The following IFT74 variants were observed in gnomAD, a reference collection of about 807,000 sequenced individuals.
IFT74 encodes the protein intraflagellar transport protein 74 homolog.
Under a neutral mutation model 96.7 loss-of-function variants are expected in IFT74, and 92 were observed. The ratio of observed to expected loss-of-function variants is 0.95; its 90% CI spans 0.80 to 1.13. The LOEUF is 1.13. IFT74 is among the 50% of genes most tolerant of loss of function. IFT74 has a pLI of 0.00. For synonymous variants in IFT74, 223 were observed against 213.2 expected, an observed-to-expected ratio of 1.05 and a Z score of -0.40; for missense variants, 811 against 698.2, an observed-to-expected ratio of 1.16 and a Z score of -1.82.
In IFT74 at chr9:27,000,030, G is replaced by A. The variant is rs59622137; in HGVS notation, c.588-8990G>A. 2.9e-3 allele frequency among the ~76,000 whole-genome samples: 437 copies of A among 152,102 alleles called. 1 individual carries two copies. Among genetic ancestry groups the A allele is most frequent in the African/African-American group, 9.9e-3 (409 of 41,504 alleles). ...GAGCCATTTCCCCCCAGCCACTGGC[G>A]TGGCCTTGAAAAGTGCTGGGATTAT... is the stretch of plus-strand genomic sequence containing the variant. On this transcript the variant is annotated intron_variant, in intron 8 of 19. Coordinates refer to ENST00000380062, the MANE Select transcript of IFT74 (RefSeq NM_025103.4).
At chr9:27,012,318 G>A (rs978073934) in intron 10 of IFT74, among the ~76,000 whole-genome samples, 10 of 152,118 alleles carry the variant, frequency 6.6e-5, no homozygotes, top group Non-Finnish European at 1.2e-4. Context: ...AAGCTCCTGG[G>A]CTCAAGCGAT....
chr9:27,022,780 C>T (rs558248245), intron 12 of IFT74, among the ~76,000 whole-genome samples: 5 of 151,758 alleles, frequency 3.3e-5, no homozygotes, highest in Non-Finnish European at 5.9e-5. Context: ...GTAGCTGGGA[C>T]TAAAGGCACG....
At chr9:26,988,563 G>A (rs1475030340) in intron 6 of IFT74, 106 bp from the exon 7 acceptor site, 2 of 1,046,068 alleles carry the variant, frequency 1.9e-6, no homozygotes, top group Non-Finnish European at 2.7e-6. Flanking sequence ...TAATACTTAA[G>A]TTACTACTCA....
chr9:26,984,383 C>G (rs928183455), intron 5 of IFT74, 28 bp downstream of exon 5: 1 of 1,576,284 alleles, frequency 6.3e-7, no homozygotes, highest in Non-Finnish European at 8.6e-7. Context: ...AGTATTCATT[C>G]AGTATTTTGT....
intron 2 of IFT74, among the ~76,000 whole-genome samples, chr9:26,971,054 A>G (rs1826856176): frequency 2.6e-5 from 4 of 152,192 alleles, no homozygotes; most frequent in Admixed American, 1.3e-4. Context: ...GTCTGAATCA[A>G]TGTTTTCTAT....
intron 12 of IFT74, among the ~76,000 whole-genome samples, chr9:27,026,994 A>C (rs1441074979): frequency 6.6e-6 from 1 of 152,134 alleles, no homozygotes; most frequent in Non-Finnish European, 1.5e-5. Flanking sequence ...ACTAAATTAA[A>C]TTGAAACAAA....
intron 8 of IFT74, chr9:26,996,262 T>C (rs1828150020): frequency 9.4e-7 from 1 of 1,059,598 alleles, no homozygotes; most frequent in South Asian, 2.6e-5. Flanking sequence ...CCTCAGTTTA[T>C]TTAGTATGAT....
At chr9:26,963,136 G>A (rs965063032) in intron 2 of IFT74, among the ~76,000 whole-genome samples, 4 of 151,904 alleles carry the variant, frequency 2.6e-5, no homozygotes, top group African/African-American at 9.7e-5. Context: ...AGTCCCCAGA[G>A]TGTGATATTC....
At chr9:27,060,136 C>A (rs1444460586) in intron 18 of IFT74, among the ~76,000 whole-genome samples, 1 of 152,168 alleles carries the variant, frequency 6.6e-6, no homozygotes, top group Non-Finnish European at 1.5e-5. Flanking sequence ...CTTATCACAG[C>A]TTGTGGAATT....
intron 13 of IFT74, among the ~76,000 whole-genome samples, chr9:27,032,509 C>G (rs1231581788): frequency 6.6e-6 from 1 of 151,950 alleles, no homozygotes; most frequent in Non-Finnish European, 1.5e-5. Flanking sequence ...AATGACCATC[C>G]TCATGCTTTC....
chr9:27,006,042 C>T lies in IFT74; in HGVS notation c.588-2978C>T, dbSNP rs572897479. Reference sequence around the variant, plus strand: ...TATTTTTAGTAGAGATGCGGTTTCACCATGTTGGCCAGGCTGGTCTCAAAC... The same window carrying T: ...TATTTTTAGTAGAGATGCGGTTTCATCATGTTGGCCAGGCTGGTCTCAAAC... On this transcript the variant is annotated intron_variant, in intron 8 of 19. Transcript: ENST00000380062. Among the ~76,000 whole-genome samples, 5 of 152,062 alleles carry T rather than the reference C, an allele frequency of 3.3e-5. No individual in the cohort carries two copies. In the Middle Eastern group the frequency reaches 0.01, roughly 310 times the overall value.
intron 2 of IFT74, among the ~76,000 whole-genome samples, chr9:26,969,330 C>A (rs1249575900): frequency 6.6e-6 from 1 of 151,486 alleles, no homozygotes. Flanking sequence ...ATGTAATTAT[C>A]TTCTTGTCTT....
At chr9:26,995,231 A>G (rs948864030) in intron 8 of IFT74, 2 of 205,800 alleles carry the variant, frequency 9.7e-6, no homozygotes, top group African/African-American at 2.3e-5. Context: ...ATTTTAATTC[A>G]TGAATAATTT....
intron 8 of IFT74, among the ~76,000 whole-genome samples, chr9:27,008,174 A>T (rs954185547): frequency 6.6e-6 from 1 of 152,248 alleles, no homozygotes; most frequent in African/African-American, 2.4e-5. Flanking sequence ...AGAGAACTTA[A>T]GCAAAGCATA....
At chr9:26,965,231 C>T (rs1826554543) in intron 2 of IFT74, among the ~76,000 whole-genome samples, 1 of 151,944 alleles carries the variant, frequency 6.6e-6, no homozygotes, top group Admixed American at 6.6e-5. Context: ...AATGAATAGA[C>T]AAAAATGTCC....
At position 27,016,931 on chromosome 9, in the gene IFT74, C is replaced by T; in HGVS notation, c.814C>T (p.Gln272Ter). 8.7e-6 allele frequency: 14 copies of T among 1,606,042 alleles called. No individual in the cohort carries two copies. The highest frequency in any genetic ancestry group is 1.1e-5 in the Non-Finnish European group (13 of 1,176,434). Residue 272 changes from glutamine to a stop codon, truncating the protein, a stop_gained, in exon 11 of 20, where the codon CAG (glutamine) becomes TAG (stop). Transcript: ENST00000380062. LOFTEE classifies it high-confidence loss of function. ...GGAAATAGCTCACTCCCAGGTGAAA[C>T]AGGAGGCGGTATTGCTGCATGAAAA... The part of the protein sequence containing the change: ...EAEIAHSQVK[Q>*]EAVLLHEKLY...
chr9:27,041,356 C>T (rs371915517), intron 13 of IFT74, among the ~76,000 whole-genome samples: 2 of 152,118 alleles, frequency 1.3e-5, no homozygotes, highest in African/African-American at 4.8e-5. Flanking sequence ...TGGTTTTGTA[C>T]ACCTAATGGA....
intron 8 of IFT74, chr9:26,994,123 C>T (rs1360142163): frequency 6.6e-6 from 1 of 152,172 alleles, no homozygotes; most frequent in Non-Finnish European, 1.5e-5. Context: ...ACTACGAGCT[C>T]TTAGTAGATG....
At chr9:26,973,345 A>G (rs182732290) in intron 2 of IFT74, among the ~76,000 whole-genome samples, 1 of 152,286 alleles carries the variant, frequency 6.6e-6, no homozygotes, top group African/African-American at 2.4e-5. Context: ...GGGTTTAAGG[A>G]GTCCATCTTT....
Sources: gnomAD v4.1 joint callset for allele counts (sites outside exome capture counted in the v4.1 genomes callset) on GRCh38, gnomAD v4.1.1 for gene constraint, MANE v1.5 for transcripts, NCBI Gene and HGNC (gene_info 2026-07-23, HGNC 2026-07-21) for gene names.